TRPM3: variants seen among roughly 807,000 people sequenced by gnomAD.
TRPM3 encodes transient receptor potential cation channel subfamily M member 3, also known as long transient receptor potential channel 3.
TRPM3 carries 77 observed loss-of-function variants against 181.2 expected under a neutral mutation model. That is an observed-to-expected ratio of 0.42 (90% CI 0.35 to 0.51). The LOEUF (loss-of-function observed/expected upper bound fraction) is 0.51. Ranked by LOEUF, TRPM3 falls within the 20% of genes least tolerant of loss-of-function variation. The pLI is 0.01. For missense variants in TRPM3, 1,759 were observed against 2,196.7 expected (o/e 0.80, Z 3.98); for synonymous variants, 745 against 796.4 (o/e 0.94, Z 1.09).
At chr9:70,971,006 G>C (rs183767880) in intron 1 of TRPM3, among the ~76,000 whole-genome samples, 5 of 152,136 alleles carry the variant, frequency 3.3e-5, no homozygotes, top group Non-Finnish European at 5.9e-5. Context: ...CTGGTGTAAA[G>C]CTATTTAGAT....
intron 1 of TRPM3, among the ~76,000 whole-genome samples, chr9:71,290,809 A>T (rs1177734427): frequency 6.6e-6 from 1 of 152,134 alleles, no homozygotes; most frequent in African/African-American, 2.4e-5. Context: ...GTTTTGTTAA[A>T]TATGCTTATT....
At chr9:70,787,056 A>G (rs906512303) in intron 6 of TRPM3, among the ~76,000 whole-genome samples, 2 of 152,200 alleles carry the variant, frequency 1.3e-5, no homozygotes, top group African/African-American at 4.8e-5. Context: ...ATACATAATG[A>G]AAAGACCAAA....
intron 1 of TRPM3, among the ~76,000 whole-genome samples, chr9:71,274,178 G>A (rs1008015594): frequency 6.6e-6 from 1 of 152,154 alleles, no homozygotes; most frequent in Non-Finnish European, 1.5e-5. Context: ...GCCAAACAGA[G>A]GTAGTCCTTG....
In TRPM3 at chr9:71,299,658, T is replaced by C. The variant is rs2086601335; in HGVS notation, c.183+146995A>G. On this transcript the variant is annotated intron_variant, in intron 1 of 24. Transcript: ENST00000357533. ...ATGGTTAGTTATATTCTGAAATGTG[T>C]CTCTCAGTTCTCATAAAAATCAAAG... is the stretch of plus-strand genomic sequence containing the variant. 2.6e-5 allele frequency among the ~76,000 whole-genome samples: 4 copies of C among 152,202 alleles called. No homozygotes were observed. The South Asian group carries it at 8.3e-4, about 32-fold the overall frequency.
chr9:70,897,103 AT>A (rs1344061703), intron 1 of TRPM3, among the ~76,000 whole-genome samples: 18 of 145,078 alleles, frequency 1.2e-4, no homozygotes, highest in African/African-American at 4.4e-4. Flanking sequence ...AACATTCCAG[AT>A]TTTTTCTTTT....
At chr9:71,328,715 G>A (rs1031228753) in intron 1 of TRPM3, among the ~76,000 whole-genome samples, 2 of 152,056 alleles carry the variant, frequency 1.3e-5, no homozygotes, top group African/African-American at 4.8e-5. Context: ...CAAAACAATC[G>A]CTTATTTAAA....
intron 1 of TRPM3, among the ~76,000 whole-genome samples, chr9:70,983,208 A>G (rs2097381711): frequency 6.6e-6 from 1 of 151,916 alleles, no homozygotes; most frequent in Admixed American, 6.6e-5. Flanking sequence ...CCACTGCTCT[A>G]GTTTTTTTCC....
intron 22 of TRPM3, among the ~76,000 whole-genome samples, chr9:70,586,003 T>C (rs1397099087): frequency 1.3e-5 from 2 of 152,204 alleles, no homozygotes; most frequent in Admixed American, 1.3e-4. Context: ...TTCATACTAA[T>C]TCGCAGTTTG....
intron 1 of TRPM3, among the ~76,000 whole-genome samples, chr9:71,439,449 T>C (rs2094101342): frequency 6.6e-6 from 1 of 152,234 alleles, no homozygotes; most frequent in African/African-American, 2.4e-5. Flanking sequence ...GGGGCAGGTA[T>C]TTTCATCTTC....
At chr9:70,699,210 T>A (rs953295718) in intron 8 of TRPM3, among the ~76,000 whole-genome samples, 1 of 152,070 alleles carries the variant, frequency 6.6e-6, no homozygotes, top group Non-Finnish European at 1.5e-5. Flanking sequence ...GTGATAAAAG[T>A]GACAAGAAAA....
At chr9:70,696,603 G>C (rs867760470) in intron 8 of TRPM3, among the ~76,000 whole-genome samples, 1 of 152,216 alleles carries the variant, frequency 6.6e-6, no homozygotes, top group East Asian at 1.9e-4. Flanking sequence ...TTTCTGGGTT[G>C]CTCTGTGGAT....
intron 5 of TRPM3, among the ~76,000 whole-genome samples, chr9:70,830,690 G>T (rs746455355): frequency 1.3e-5 from 2 of 152,214 alleles, no homozygotes; most frequent in Non-Finnish European, 2.9e-5. Context: ...CATATGAATT[G>T]TGGAAATTTG....
At chr9:71,229,636 A>G (rs1003433005) in intron 1 of TRPM3, among the ~76,000 whole-genome samples, 1 of 152,220 alleles carries the variant, frequency 6.6e-6, no homozygotes, top group Non-Finnish European at 1.5e-5. Flanking sequence ...GGATCTGAAT[A>G]GATATTTCTC....
At chr9:70,963,772 T>C (rs2097160451) in intron 1 of TRPM3, among the ~76,000 whole-genome samples, 1 of 152,108 alleles carries the variant, frequency 6.6e-6, no homozygotes, top group South Asian at 2.1e-4. Context: ...AGCTCTGCTA[T>C]CTTGAAAGTG....
chr9:70,974,503 C>T (rs896876026), intron 1 of TRPM3, among the ~76,000 whole-genome samples: 22 of 152,066 alleles, frequency 1.4e-4, no homozygotes, highest in East Asian at 3.9e-4. Context: ...CGCGCCACTG[C>T]ACTCCAGCCT....
intron 1 of TRPM3, among the ~76,000 whole-genome samples, chr9:71,294,001 T>C (rs2086047040): frequency 6.6e-6 from 1 of 151,984 alleles, no homozygotes; most frequent in South Asian, 2.1e-4. Context: ...TGCTTCCTTC[T>C]TGGAATAAAT....
intron 1 of TRPM3, among the ~76,000 whole-genome samples, chr9:71,343,045 CAAG>C (rs773523148): frequency 6.6e-6 from 1 of 151,578 alleles, no homozygotes; most frequent in Non-Finnish European, 1.5e-5. Flanking sequence ...AAAGGAAACA[CAAG>C]AAGAATAAAC....
chr9:71,427,624 G>A (rs1466403042), intron 1 of TRPM3, among the ~76,000 whole-genome samples: 5 of 152,176 alleles, frequency 3.3e-5, no homozygotes, highest in Non-Finnish European at 1.5e-5. Flanking sequence ...TTGGATGCAG[G>A]TGGAGGCCAT....
chr9:71,270,145 T>A (rs935760521), intron 1 of TRPM3, among the ~76,000 whole-genome samples: 1 of 152,140 alleles, frequency 6.6e-6, no homozygotes, highest in Non-Finnish European at 1.5e-5. Flanking sequence ...AGGTCTGGAT[T>A]TCAAGACCAG....
Sources: allele counts gnomAD v4.1 joint callset (sites outside exome capture counted in the v4.1 genomes callset), GRCh38; gene constraint gnomAD v4.1.1; transcripts MANE v1.5; gene names NCBI Gene and HGNC (gene_info 2026-07-23, HGNC 2026-07-21).